SRR: variants seen among roughly 807,000 people sequenced by gnomAD.
SRR encodes the protein serine racemase, also known as D-serine ammonia-lyase.
SRR carries 19 observed loss-of-function variants against 32.7 expected under a neutral mutation model. The observed-to-expected ratio is 0.58, with a 90% CI of 0.40 to 0.85. SRR has a LOEUF of 0.85. Ranked by LOEUF, SRR falls within the 40% of genes least tolerant of loss-of-function variation. The probability of loss-of-function intolerance (pLI) is 0.00; values close to 1 mark genes in which losing one functional copy is unlikely to be tolerated. For synonymous variants in SRR, 142 were observed against 140.9 expected (o/e 1.01, Z -0.06); for missense variants, 373 against 404.7 (o/e 0.92, Z 0.67).
rs746688280 is a variant in SRR, at chr17:2,324,570, G to A, written c.*697G>A. On this transcript the variant is annotated 3_prime_UTR_variant, in exon 8 of 8. Transcript: ENST00000344595. ...CTCAGTTCCACTGGTTTAAACCACA[G>A]CACATCCTCTTAGAATCAAACACAT... 4 of 1,614,096 alleles carry A rather than the reference G, an allele frequency of 2.5e-6. No individual in the cohort carries two copies. The highest frequency in any genetic ancestry group is 1.1e-5 in the South Asian group (1 of 91,080).
chr17:2,303,545 C>A, upstream of SRR: 1 of 1,343,330 alleles, frequency 7.4e-7, no homozygotes, highest in Non-Finnish European at 9.5e-7. Flanking sequence ...GGCTCCGGAG[C>A]CGAGGGCCGA....
intron 1 of SRR, among the ~76,000 whole-genome samples, chr17:2,310,796 G>A (rs978769428): frequency 6.6e-6 from 1 of 151,982 alleles, no homozygotes; most frequent in Non-Finnish European, 1.5e-5. Context: ...ACCCAGGCTG[G>A]AGTGCAGTGG....
upstream of SRR, chr17:2,303,805 T>A: frequency 9.0e-7 from 1 of 1,109,142 alleles, no homozygotes; most frequent in South Asian, 1.5e-5. Context: ...GCGCGCGCGC[T>A]CGCCCACCTC....
intron 1 of SRR, chr17:2,307,653 C>T (rs756072842): frequency 1.3e-5 from 13 of 979,074 alleles, no homozygotes; most frequent in African/African-American, 1.1e-4. Context: ...TACCAAACCA[C>T]GAAACCAAGG....
Position 2,323,294 on chromosome 17 carries a change from T to G in SRR, c.753T>G (p.Ile251Met). 6.2e-7 allele frequency: 1 copy of G among 1,614,120 alleles called. No individual in the cohort carries two copies. The highest frequency in any genetic ancestry group is 8.5e-7 in the Non-Finnish European group (1 of 1,179,978). The change falls in exon 7 of 8, where the codon ATT (isoleucine) becomes ATG (methionine). Residue 251 changes from isoleucine to methionine, a missense_variant. By Grantham distance (10) the Ile-to-Met change is conservative. Transcript: ENST00000344595. The part of the protein sequence containing the change: ...KSSIGLNTWP[I>M]IRDLVDDIFT... ...GCATTGGCTTGAACACCTGGCCTATTATCAGGGACCTTGTGGATGATATCT... is the reference window on the plus strand; with the variant it reads ...GCATTGGCTTGAACACCTGGCCTATGATCAGGGACCTTGTGGATGATATCT...
intron 6 of SRR, 72 bp downstream of exon 6, chr17:2,321,688 C>A (rs1473379617): frequency 2.2e-6 from 3 of 1,387,716 alleles, no homozygotes; most frequent in Admixed American, 3.4e-5. Flanking sequence ...TCTGTATACA[C>A]GTGCTCAACA....
chr17:2,310,528 A>C (rs535945165), intron 1 of SRR, among the ~76,000 whole-genome samples: 1 of 151,892 alleles, frequency 6.6e-6, no homozygotes, highest in East Asian at 1.9e-4. Flanking sequence ...ATTGACATTT[A>C]TTCATAAAAA....
At chr17:2,308,141 A>G (rs1473888747) in intron 1 of SRR, among the ~76,000 whole-genome samples, 1 of 152,030 alleles carries the variant, frequency 6.6e-6, no homozygotes, top group African/African-American at 2.4e-5. Flanking sequence ...TTTAGAAATT[A>G]TAATAATGAA....
In SRR at chr17:2,325,250, G is replaced by T; in HGVS notation, c.*1377G>T. 1.6e-6 allele frequency: 2 copies of T among 1,274,906 alleles called. No homozygotes were observed. The highest frequency in any genetic ancestry group is 2.2e-6 in the Non-Finnish European group (2 of 906,254). The allele number at this position is 1,274,906 out of a possible 1,614,324, so 79.0% of individuals were successfully genotyped here. On this transcript the variant is annotated 3_prime_UTR_variant, in exon 8 of 8. Coordinates refer to ENST00000344595, the MANE Select transcript of SRR (RefSeq NM_021947.3). ...AAATTTAAATAAACAAGAGAAAACG[G>T]TGTTCATCTATTAAGGACCTGCAGG...
At chr17:2,304,062 C>T in intron 1 of SRR, 45 bp downstream of exon 1, 2 of 205,466 alleles carry the variant, frequency 9.7e-6, no homozygotes, top group East Asian at 1.2e-4. Flanking sequence ...GCGTTTGCGG[C>T]GGTGGCTGCC....
chr17:2,307,637 A>G lies in SRR; in HGVS notation c.-5+3620A>G, dbSNP rs2151428486. 8 of 951,532 alleles carry G rather than the reference A, an allele frequency of 8.4e-6. No individual in the cohort carries two copies. The South Asian group carries it at 1.0e-4, about 12-fold the overall frequency. The allele number at this position is 951,532 out of a possible 1,614,324, so 58.9% of individuals were successfully genotyped here. A position where few individuals can be genotyped will look rare whatever the true frequency, so the allele number is the denominator to read the frequency against. On this transcript the variant is annotated intron_variant, in intron 1 of 7. Transcript: ENST00000344595. ...CTGGCCCCTATGGTGGTGCAGGCCA[A>G]TACTTTACCAAACCACGAAACCAAG...
intron 1 of SRR, among the ~76,000 whole-genome samples, chr17:2,304,801 A>G (rs957179987): frequency 6.6e-6 from 1 of 151,742 alleles, no homozygotes; most frequent in East Asian, 1.9e-4. Flanking sequence ...CTGTGTCACT[A>G]TGGATTCTTG....
chr17:2,311,824 A>G (rs902101152), intron 1 of SRR, among the ~76,000 whole-genome samples: 3 of 152,214 alleles, frequency 2.0e-5, no homozygotes, highest in African/African-American at 4.8e-5. Context: ...AGTCTGGCCA[A>G]TGGAACAAAA....
chr17:2,325,013 G>C lies in SRR; in HGVS notation c.*1140G>C. The C allele has an allele frequency of 1.5e-6, 1 of 646,346 alleles. No individual in the cohort carries two copies. The highest frequency in any genetic ancestry group is 2.8e-5 in the East Asian group (1 of 35,586). The allele number at this position is 646,346 out of a possible 1,614,324, so 40.0% of individuals were successfully genotyped here. ...CTTGTCAATAGGTTCTTGAAAACTTGTACTTCAAGAGAAATGATGTATAAC... is the reference window on the plus strand; with the variant it reads ...CTTGTCAATAGGTTCTTGAAAACTTCTACTTCAAGAGAAATGATGTATAAC... On this transcript the variant is annotated 3_prime_UTR_variant, in exon 8 of 8. Coordinates refer to ENST00000344595, the MANE Select transcript of SRR (RefSeq NM_021947.3).
intron 1 of SRR, among the ~76,000 whole-genome samples, 172 bp downstream of exon 1, chr17:2,304,189 G>A (rs567926241): frequency 2.5e-4 from 38 of 151,852 alleles, no homozygotes; most frequent in Non-Finnish European, 4.6e-4. Flanking sequence ...CCACAGGCCC[G>A]GCCTAGCGCC....
At chr17:2,307,478 T>G (rs1597257310) in intron 1 of SRR, 11 of 1,438,450 alleles carry the variant, frequency 7.6e-6, no homozygotes, top group East Asian at 2.3e-5. Context: ...TATCGTGCAG[T>G]GGGGATGGCT....
At chr17:2,318,474 T>C (rs2075496528) in intron 3 of SRR, among the ~76,000 whole-genome samples, 1 of 149,916 alleles carries the variant, frequency 6.7e-6, no homozygotes, top group South Asian at 2.1e-4. Context: ...CTTTTTTTTT[T>C]TTTTTTTTGA....
chr17:2,307,311 A>C, intron 1 of SRR: 2 of 1,070,248 alleles, frequency 1.9e-6, no homozygotes, highest in Non-Finnish European at 2.9e-6. Flanking sequence ...TGTCAAAGCA[A>C]GAGATGGTGA....
At chr17:2,310,484 G>A (rs1366862504) in intron 1 of SRR, among the ~76,000 whole-genome samples, 2 of 152,074 alleles carry the variant, frequency 1.3e-5, no homozygotes, top group Non-Finnish European at 2.9e-5. Context: ...TGGGATTACA[G>A]GTATGAGCCA....
Sources: allele counts gnomAD v4.1 joint callset (sites outside exome capture counted in the v4.1 genomes callset), GRCh38; gene constraint gnomAD v4.1.1; transcripts MANE v1.5; gene names NCBI Gene and HGNC (gene_info 2026-07-23, HGNC 2026-07-21).